TNFSF4: variants seen among roughly 807,000 people sequenced by gnomAD.
TNFSF4 encodes tumor necrosis factor ligand superfamily member 4.
In TNFSF4, 4 loss-of-function variants were observed where a neutral mutation model predicts 7.3. That is an observed-to-expected ratio of 0.55 (90% CI 0.27 to 1.25). The LOEUF is 1.25. TNFSF4 is among the 50% of genes most tolerant of loss of function. The pLI is 0.12. For missense variants in TNFSF4, 181 were observed against 208.8 expected (o/e 0.87, Z 0.82); for synonymous variants, 76 against 83.7 (o/e 0.91, Z 0.50).
chr1:173,392,846 T>C, the TNFSF4 span, among the ~76,000 whole-genome samples: 1 of 152,164 alleles, frequency 6.6e-6, no homozygotes, highest in Non-Finnish European at 1.5e-5. Context: ...GCTACATATA[T>C]AAAACACTGA....
the TNFSF4 span, among the ~76,000 whole-genome samples, chr1:173,232,126 T>C: frequency 6.6e-6 from 1 of 152,212 alleles, no homozygotes; most frequent in South Asian, 2.1e-4. Context: ...CGTTTGCTTG[T>C]GTCCTCTTTT....
At chr1:173,372,474 C>G in the TNFSF4 span, among the ~76,000 whole-genome samples, 1 of 152,312 alleles carries the variant, frequency 6.6e-6, no homozygotes, top group Non-Finnish European at 1.5e-5. Flanking sequence ...GGGAATAGCT[C>G]TTGGAGTCCT....
chr1:173,284,363 G>T, the TNFSF4 span, among the ~76,000 whole-genome samples: 1 of 152,192 alleles, frequency 6.6e-6, no homozygotes, highest in Non-Finnish European at 1.5e-5. Flanking sequence ...TTTAAGGAAG[G>T]AAGCCATCTT....
the TNFSF4 span, among the ~76,000 whole-genome samples, chr1:173,417,447 A>G: frequency 3.3e-5 from 5 of 152,366 alleles, no homozygotes; most frequent in South Asian, 2.1e-4. Context: ...AGCTAGACCT[A>G]TAATTTTTTT....
At chr1:173,228,262 C>T in the TNFSF4 span, among the ~76,000 whole-genome samples, 1 of 152,346 alleles carries the variant, frequency 6.6e-6, no homozygotes, top group South Asian at 2.1e-4. Context: ...GCAACATTTG[C>T]TGTTCAGCAA....
At chr1:173,294,724 AATAGAGAAAAATCAGTGAAACTCAAAG>A in the TNFSF4 span, among the ~76,000 whole-genome samples, 4 of 152,178 alleles carry the variant, frequency 2.6e-5, no homozygotes, top group African/African-American at 9.6e-5. Flanking sequence ...TGGGGCAAAC[AATAGAGAAAAATCAGTGAAACTCAAAG>A]TTGGACTTTG....
At chr1:173,250,354 A>T in the TNFSF4 span, among the ~76,000 whole-genome samples, 1 of 152,266 alleles carries the variant, frequency 6.6e-6, no homozygotes, top group African/African-American at 2.4e-5. Flanking sequence ...CTGAAAGAGA[A>T]TATAGAAATA....
chr1:173,196,749 G>A (rs781718996), intron 1 of TNFSF4, among the ~76,000 whole-genome samples: 4 of 152,224 alleles, frequency 2.6e-5, no homozygotes, highest in African/African-American at 2.4e-5. Context: ...TCTTCATATC[G>A]TCAGAGGGAA....
At chr1:173,426,885 C>T in the TNFSF4 span, among the ~76,000 whole-genome samples, 1 of 152,228 alleles carries the variant, frequency 6.6e-6, no homozygotes, top group African/African-American at 2.4e-5. Flanking sequence ...TGAGCCACTG[C>T]GCACAGCTCC....
the TNFSF4 span, among the ~76,000 whole-genome samples, chr1:173,386,372 C>A: frequency 2.0e-5 from 3 of 152,210 alleles, no homozygotes; most frequent in African/African-American, 2.4e-5. Context: ...GTCACAGCTA[C>A]CTCCACCTAG....
the TNFSF4 span, among the ~76,000 whole-genome samples, chr1:173,430,323 C>T: frequency 1.3e-5 from 2 of 152,242 alleles, no homozygotes; most frequent in Non-Finnish European, 2.9e-5. Context: ...ACTCCTGTTG[C>T]TCAACAATCC....
the TNFSF4 span, among the ~76,000 whole-genome samples, chr1:173,334,155 A>G: frequency 2.0e-5 from 3 of 152,022 alleles, no homozygotes; most frequent in East Asian, 3.9e-4. Context: ...CGTGTTCTTA[A>G]TTGGTTGTGG....
the TNFSF4 span, among the ~76,000 whole-genome samples, chr1:173,234,150 A>C: frequency 2.0e-5 from 3 of 152,186 alleles, no homozygotes; most frequent in Non-Finnish European, 2.9e-5. Flanking sequence ...TATGAACAGA[A>C]ACTTCTCAAA....
At chr1:173,348,384 C>G in the TNFSF4 span, among the ~76,000 whole-genome samples, 1 of 152,180 alleles carries the variant, frequency 6.6e-6, no homozygotes, top group Non-Finnish European at 1.5e-5. Flanking sequence ...ATTGTGAGGC[C>G]TCCTCAGCCA....
At chr1:173,189,754 T>C (rs1391650148) in intron 1 of TNFSF4, among the ~76,000 whole-genome samples, 1 of 152,162 alleles carries the variant, frequency 6.6e-6, no homozygotes, top group Non-Finnish European at 1.5e-5. Flanking sequence ...AATACATTAA[T>C]GTATCTGAAA....
At chr1:173,410,963 T>C in the TNFSF4 span, among the ~76,000 whole-genome samples, 1 of 152,162 alleles carries the variant, frequency 6.6e-6, no homozygotes, top group African/African-American at 2.4e-5. Context: ...GACTAGTCCT[T>C]AATGTGTGGT....
chr1:173,431,981 A>G, the TNFSF4 span, among the ~76,000 whole-genome samples: 1 of 152,232 alleles, frequency 6.6e-6, no homozygotes, highest in Non-Finnish European at 1.5e-5. Context: ...AGCAGAGTGT[A>G]GCAATGCCCT....
At chr1:173,241,919 G>A in the TNFSF4 span, among the ~76,000 whole-genome samples, 4 of 152,330 alleles carry the variant, frequency 2.6e-5, no homozygotes, top group Middle Eastern at 3.4e-3. Flanking sequence ...TTTGCATTGC[G>A]TGAGACTCTG....
the TNFSF4 span, among the ~76,000 whole-genome samples, chr1:173,299,952 C>T: frequency 2.0e-5 from 3 of 151,844 alleles, no homozygotes; most frequent in African/African-American, 7.2e-5. Flanking sequence ...GTCAACTGCT[C>T]ACATGGCCAA....
Sources: allele counts gnomAD v4.1 joint callset (sites outside exome capture counted in the v4.1 genomes callset), GRCh38; gene constraint gnomAD v4.1.1; transcripts MANE v1.5; gene names NCBI Gene and HGNC (gene_info 2026-07-23, HGNC 2026-07-21).